Variants in IRAK1BP1 observed in about 807,000 individuals in gnomAD.
IRAK1BP1 encodes the protein interleukin-1 receptor-associated kinase 1-binding protein 1.
A neutral mutation model predicts 28.0 loss-of-function variants in IRAK1BP1; 24 were observed. The ratio of observed to expected loss-of-function variants is 0.86; its 90% CI spans 0.62 to 1.20. The LOEUF (loss-of-function observed/expected upper bound fraction) is 1.20. Ranked by LOEUF, IRAK1BP1 falls within the 50% of genes most tolerant of loss-of-function variation. The pLI, the probability that IRAK1BP1 is intolerant of heterozygous loss-of-function variation, is 0.00. For missense variants in IRAK1BP1, 336 were observed against 316.7 expected (o/e 1.06, Z -0.46); for synonymous variants, 131 against 116.3 (o/e 1.13, Z -0.81).
chr6:78,933,356 G>C (rs985210912), intron 4 of IRAK1BP1, among the ~76,000 whole-genome samples: 1 of 152,154 alleles, frequency 6.6e-6, no homozygotes, highest in Non-Finnish European at 1.5e-5. Context: ...GATGGCTCAC[G>C]CCTGTAATCC....
intron 4 of IRAK1BP1, chr6:78,941,457 G>T (rs1773496994): frequency 1.8e-6 from 1 of 569,212 alleles, no homozygotes; most frequent in Non-Finnish European, 3.0e-6. Context: ...TTATTAAAAT[G>T]AGAAAAAAGA....
downstream of IRAK1BP1, among the ~76,000 whole-genome samples, chr6:78,950,795 T>C (rs940417216): frequency 1.3e-5 from 2 of 151,382 alleles, no homozygotes; most frequent in Non-Finnish European, 2.9e-5. Flanking sequence ...AGAACCCAGC[T>C]TTCAATTTCA....
intron 4 of IRAK1BP1, among the ~76,000 whole-genome samples, chr6:78,911,885 C>T (rs571656848): frequency 1.3e-5 from 2 of 152,252 alleles, no homozygotes; most frequent in South Asian, 4.1e-4. Flanking sequence ...CAGACAGGCA[C>T]CCTTATTGTT....
chr6:78,869,546 G>A (rs1190846305), intron 1 of IRAK1BP1, among the ~76,000 whole-genome samples: 2 of 152,100 alleles, frequency 1.3e-5, no homozygotes, highest in Admixed American at 6.5e-5. Flanking sequence ...AATTAACTAA[G>A]TCCAACTTAG....
chr6:78,977,587 G>GACCTTCAAGCACCTTCAAGC, the IRAK1BP1 span, among the ~76,000 whole-genome samples: 80 of 151,598 alleles, frequency 5.3e-4, no homozygotes, highest in Non-Finnish European at 9.9e-4. Flanking sequence ...GAATAATGAA[G>GACCTTCAAGCACCTTCAAGC]ACCTTCAAGC....
At chr6:78,890,165 C>CT (rs1771588931) in intron 2 of IRAK1BP1, among the ~76,000 whole-genome samples, 1 of 151,008 alleles carries the variant, frequency 6.6e-6, no homozygotes, top group Non-Finnish European at 1.5e-5. Flanking sequence ...CACACTAACA[C>CT]AGGAACAGGA....
intron 4 of IRAK1BP1, among the ~76,000 whole-genome samples, chr6:78,922,483 A>C (rs1772763602): frequency 6.6e-6 from 1 of 152,224 alleles, no homozygotes; most frequent in Non-Finnish European, 1.5e-5. Context: ...AATGGAACCA[A>C]GTTGGAAAAC....
rs141054355 is a variant in IRAK1BP1, at chr6:78,867,586, C to T, written c.10C>T (p.Gln4Ter). 171 of 1,613,528 alleles carry T rather than the reference C, an allele frequency of 1.1e-4. No homozygotes were observed. Among genetic ancestry groups the T allele is most frequent in the Non-Finnish European group, 7.6e-6 (9 of 1,179,792 alleles). ...CCCAGCTGCCATCGCTATGTCTCTG[C>T]AAAAGACCCCTCCGACCCGAGTGTT... MSL[Q>*]KTPPTRVFVE... The change falls in exon 1 of 4, where the codon CAA becomes TAA. Residue 4 changes from glutamine (Q) to a stop codon, truncating the protein, a stop_gained. Transcript: ENST00000369940. LOFTEE classifies it high-confidence loss of function.
At position 78,902,220 on chromosome 6, in the gene IRAK1BP1, C is replaced by T. The variant is rs1772128025; in HGVS notation, c.*3886C>T. The T allele has an allele frequency of 6.6e-6, 1 of 152,230 alleles. No homozygotes were observed. Among genetic ancestry groups the T allele is most frequent in the African/African-American group, 2.4e-5 (1 of 41,460 alleles). 9.4% of individuals were successfully genotyped at this position (152,230 alleles called of 1,614,324 possible). A position where few individuals can be genotyped will look rare whatever the true frequency, so the allele number is the denominator to read the frequency against. The stretch of plus-strand genomic sequence containing the variant: ...CAAGTAGCTCAATCATAGCTTACTG[C>T]AGCCTAAAAACTCCTGGGCTGAAGA... On this transcript the variant is annotated 3_prime_UTR_variant, in exon 4 of 4. Coordinates refer to ENST00000369940, the MANE Select transcript of IRAK1BP1 (RefSeq NM_001010844.4).
rs1310524876 is a variant in IRAK1BP1, at chr6:78,900,532, C to G, written c.*2198C>G. On this transcript the variant is annotated 3_prime_UTR_variant, in exon 4 of 4. Transcript: ENST00000369940. ...GAGTTTGAGTTCAACACCATTATAT[C>G]CAAATCCTGACCTTACTACTGGAAT... 1 of 152,084 alleles carries G rather than the reference C, an allele frequency of 6.6e-6. No individual in the cohort carries two copies. The highest frequency in any genetic ancestry group is 1.5e-5 in the Non-Finnish European group (1 of 68,010). The allele number at this position is 152,084 out of a possible 1,614,324, so 9.4% of individuals were successfully genotyped here. A position where few individuals can be genotyped will look rare whatever the true frequency, so the allele number is the denominator to read the frequency against.
At chr6:78,954,897 GT>G in the IRAK1BP1 span, 1 of 1,585,172 alleles carries the variant, frequency 6.3e-7, no homozygotes. Context: ...TCTTCACACT[GT>G]TTCTTCCATG....
chr6:78,906,205 G>A (rs1338219305), downstream of IRAK1BP1, among the ~76,000 whole-genome samples: 1 of 151,782 alleles, frequency 6.6e-6, no homozygotes, highest in Admixed American at 6.6e-5. Flanking sequence ...ATTATCCTCA[G>A]GTATATAGGA....
At chr6:78,971,675 C>G in the IRAK1BP1 span, among the ~76,000 whole-genome samples, 5 of 152,042 alleles carry the variant, frequency 3.3e-5, no homozygotes, top group African/African-American at 1.2e-4. Context: ...GTGCGCGCAC[C>G]GTGTGCGAGC....
the IRAK1BP1 span, chr6:78,969,683 C>T: frequency 4.7e-6 from 2 of 427,226 alleles, no homozygotes; most frequent in Non-Finnish European, 8.2e-6. Context: ...AACAATACCT[C>T]TGACATAGTA....
chr6:78,877,078 A>T (rs1771027735), intron 1 of IRAK1BP1, among the ~76,000 whole-genome samples: 1 of 152,198 alleles, frequency 6.6e-6, no homozygotes, highest in Non-Finnish European at 1.5e-5. Context: ...TGTGCTGAGT[A>T]GTTCCAGGAA....
chr6:78,970,478 CA>C, the IRAK1BP1 span, among the ~76,000 whole-genome samples: 1 of 152,096 alleles, frequency 6.6e-6, no homozygotes. Flanking sequence ...CTACTGATGA[CA>C]AATCTAGAAA....
the IRAK1BP1 span, among the ~76,000 whole-genome samples, chr6:78,977,131 G>GGATTGGAACCAACCAA: frequency 7.1e-6 from 1 of 141,674 alleles, no homozygotes; most frequent in East Asian, 2.0e-4. Flanking sequence ...CAACCCAAAT[G>GGATTGGAACCAACCAA]TCCAACAATG....
At chr6:78,959,038 C>T in the IRAK1BP1 span, among the ~76,000 whole-genome samples, 2 of 151,956 alleles carry the variant, frequency 1.3e-5, no homozygotes, top group Non-Finnish European at 2.9e-5. Flanking sequence ...ATGACATATA[C>T]AAATGAGAAG....
At chr6:78,931,120 G>C (rs1341446588) in intron 4 of IRAK1BP1, among the ~76,000 whole-genome samples, 2 of 152,076 alleles carry the variant, frequency 1.3e-5, no homozygotes, top group African/African-American at 4.8e-5. Flanking sequence ...TTCAGGATGG[G>C]CTGGGCTTAG....
Sources: gnomAD v4.1 joint callset for allele counts (sites outside exome capture counted in the v4.1 genomes callset) on GRCh38, gnomAD v4.1.1 for gene constraint, MANE v1.5 for transcripts, NCBI Gene and HGNC (gene_info 2026-07-23, HGNC 2026-07-21) for gene names.